PLS1: variants seen among roughly 807,000 people sequenced by gnomAD.
The protein encoded by PLS1 is plastin-1.
A neutral mutation model predicts 73.7 loss-of-function variants in PLS1; 32 were observed. The observed-to-expected ratio is 0.43, with a 90% confidence interval of 0.33 to 0.58. The LOEUF (loss-of-function observed/expected upper bound fraction) is 0.58, where lower values mean the gene tolerates loss of function less well. PLS1 is among the 20% of genes least tolerant of loss of function. The probability of loss-of-function intolerance (pLI) is 0.04; values close to 1 mark genes in which losing one functional copy is unlikely to be tolerated. For missense variants in PLS1, 633 were observed against 740.5 expected, an observed-to-expected ratio of 0.85 and a Z score of 1.68; for synonymous variants, 217 against 261.3, an observed-to-expected ratio of 0.83 and a Z score of 1.63.
intron 1 of PLS1, among the ~76,000 whole-genome samples, chr3:142,602,789 C>T (rs765986751): frequency 2.0e-5 from 3 of 147,352 alleles, no homozygotes; most frequent in Non-Finnish European, 4.5e-5. Flanking sequence ...TTACCTTCCC[C>T]TGAGTGGTTC....
At chr3:142,636,652 GGA>G (rs2108600703) in intron 1 of PLS1, among the ~76,000 whole-genome samples, 1 of 152,204 alleles carries the variant, frequency 6.6e-6, no homozygotes, top group Admixed American at 6.5e-5. Context: ...TCTCAGACTG[GGA>G]GAAAACATTT....
At chr3:142,693,378 C>T (rs1206368097) in intron 10 of PLS1, among the ~76,000 whole-genome samples, 2 of 152,134 alleles carry the variant, frequency 1.3e-5, no homozygotes, top group Admixed American at 6.6e-5. Flanking sequence ...TCGCTCTATA[C>T]GAACGAGCCC....
chr3:142,655,150 A>G (rs899385945), intron 1 of PLS1, among the ~76,000 whole-genome samples: 1 of 152,206 alleles, frequency 6.6e-6, no homozygotes, highest in African/African-American at 2.4e-5. Context: ...ATTAATGTAC[A>G]TGAACGGAAT....
chr3:142,674,574 T>A (rs934947479), intron 4 of PLS1, among the ~76,000 whole-genome samples: 1 of 152,212 alleles, frequency 6.6e-6, no homozygotes. Context: ...ACAATGTTTT[T>A]ACTTTAAGTT....
At chr3:142,639,436 T>A (rs78243480) in intron 1 of PLS1, among the ~76,000 whole-genome samples, 1,974 of 152,272 alleles carry the variant, frequency 0.013, 42 homozygotes, top group African/African-American at 0.039. Flanking sequence ...TGGGTTCGGA[T>A]TGTCAAAGAG....
chr3:142,633,390 A>G (rs774736211), intron 1 of PLS1, among the ~76,000 whole-genome samples: 9 of 152,190 alleles, frequency 5.9e-5, no homozygotes, highest in Non-Finnish European at 1.3e-4. Context: ...CCTGTAATCT[A>G]GTTTCACAAC....
At chr3:142,669,311 A>G (rs936246087) in intron 2 of PLS1, 79 bp from the exon 3 acceptor site, 13 of 780,682 alleles carry the variant, frequency 1.7e-5, no homozygotes, top group Non-Finnish European at 2.2e-5. Context: ...CTGCACATCT[A>G]TGAATCCTCC....
At chr3:142,662,947 CG>C (rs1026719573) in intron 1 of PLS1, among the ~76,000 whole-genome samples, 1 of 152,048 alleles carries the variant, frequency 6.6e-6, no homozygotes, top group African/African-American at 2.4e-5. Flanking sequence ...AGTGGCTCAG[CG>C]TCTGTAATCC....
Position 142,684,291 on chromosome 3 carries a change from G to A in PLS1, c.784G>A (p.Glu262Lys), listed in dbSNP as rs2037917841. ...ALLNEGEELE[E>K]LMKLSPEELL... ...GTTAAATGAAGGTGAGGAACTAGAG[G>A]AGCTGATGAAGCTTTCTCCCGAGGA... Residue 262 changes from glutamate (E) to lysine (K), a missense_variant, in exon 8 of 16, where the codon GAG becomes AAG. Physicochemically the swap from Glu to Lys is moderately conservative, Grantham distance 56 (BLOSUM62 1). Transcript: ENST00000457734. The A allele has an allele frequency of 6.2e-7, 1 of 1,614,150 alleles. No homozygotes were observed. The highest frequency in any genetic ancestry group is 1.3e-5 in the African/African-American group (1 of 75,054).
chr3:142,664,381 TTTA>T, intron 2 of PLS1, 74 bp downstream of exon 2: 1 of 753,318 alleles, frequency 1.3e-6, no homozygotes, highest in South Asian at 1.7e-5. Context: ...AAAAATACCT[TTTA>T]TTTCATCTAC....
At chr3:142,655,775 T>A (rs2037218753) in intron 1 of PLS1, among the ~76,000 whole-genome samples, 1 of 150,306 alleles carries the variant, frequency 6.7e-6, no homozygotes, top group Non-Finnish European at 1.5e-5. Flanking sequence ...TTGGAACCAG[T>A]GTCACTTTAC....
intron 1 of PLS1, among the ~76,000 whole-genome samples, chr3:142,662,415 T>G (rs890815109): frequency 6.6e-6 from 1 of 151,602 alleles, no homozygotes; most frequent in Admixed American, 6.6e-5. Context: ...CAGGGTCTAT[T>G]GGGGGGTAGG....
intron 1 of PLS1, among the ~76,000 whole-genome samples, chr3:142,662,849 A>C (rs2037400332): frequency 6.6e-6 from 1 of 152,220 alleles, no homozygotes; most frequent in African/African-American, 2.4e-5. Flanking sequence ...TACCAACAAA[A>C]AGGTTATAAT....
intron 4 of PLS1, among the ~76,000 whole-genome samples, chr3:142,671,703 G>A (rs573289276): frequency 2.0e-5 from 3 of 152,226 alleles, no homozygotes; most frequent in South Asian, 2.1e-4. Flanking sequence ...TGTCTTCCCC[G>A]TGTTAAGTTA....
intron 4 of PLS1, among the ~76,000 whole-genome samples, chr3:142,674,302 G>A (rs2037672849): frequency 6.6e-6 from 1 of 152,186 alleles, no homozygotes; most frequent in African/African-American, 2.4e-5. Context: ...AGATAAGGCA[G>A]ATTATGATAT....
At chr3:142,658,476 C>CAAA (rs56710799) in intron 1 of PLS1, among the ~76,000 whole-genome samples, 15 of 99,462 alleles carry the variant, frequency 1.5e-4, no homozygotes, top group African/African-American at 4.7e-4. Flanking sequence ...ACTTTGTCTC[C>CAAA]AAAAAAAAAA....
At chr3:142,670,767 T>C (rs2037587865) in intron 3 of PLS1, among the ~76,000 whole-genome samples, 1 of 152,212 alleles carries the variant, frequency 6.6e-6, no homozygotes, top group South Asian at 2.1e-4. Context: ...GTGTGTTCAA[T>C]TTAAGCTTAG....
intron 1 of PLS1, among the ~76,000 whole-genome samples, chr3:142,617,806 C>T (rs2036241700): frequency 6.6e-6 from 1 of 152,046 alleles, no homozygotes; most frequent in African/African-American, 2.4e-5. Flanking sequence ...GGTGAAACCC[C>T]ATCTCTACTA....
intron 1 of PLS1, among the ~76,000 whole-genome samples, chr3:142,602,887 A>T (rs2035952967): frequency 6.6e-6 from 1 of 152,108 alleles, no homozygotes. Context: ...GGGTTTCACC[A>T]TGTTGGCCAG....
Sources: gnomAD v4.1 joint callset for allele counts (sites outside exome capture counted in the v4.1 genomes callset) on GRCh38, gnomAD v4.1.1 for gene constraint, MANE v1.5 for transcripts, NCBI Gene and HGNC (gene_info 2026-07-23, HGNC 2026-07-21) for gene names.